Variants in ASPRV1 observed in about 807,000 individuals in gnomAD.
The protein encoded by ASPRV1 is aspartic peptidase retroviral like 1.
Under a neutral mutation model 11.0 loss-of-function variants are expected in ASPRV1, and 7 were observed. That is an observed-to-expected ratio of 0.64 (90% confidence interval 0.36 to 1.20). The LOEUF is 1.20. Ranked by LOEUF, ASPRV1 falls within the 50% of genes most tolerant of loss-of-function variation. The pLI is 0.02. For missense variants in ASPRV1, 299 were observed against 320.0 expected (o/e 0.93, Z 0.50); for synonymous variants, 136 against 138.4 (o/e 0.98, Z 0.12).
the ASPRV1 span, among the ~76,000 whole-genome samples, chr2:69,994,587 C>T: frequency 8.5e-5 from 13 of 152,184 alleles, no homozygotes; most frequent in African/African-American, 3.1e-4. Flanking sequence ...GCTGTCACAG[C>T]TGGGGCAAAG....
At chr2:70,082,313 A>C in the ASPRV1 span, among the ~76,000 whole-genome samples, 1 of 152,122 alleles carries the variant, frequency 6.6e-6, no homozygotes, top group Non-Finnish European at 1.5e-5. Flanking sequence ...TCACACCAGA[A>C]ATCCCAGGAC....
At chr2:69,949,902 G>C in the ASPRV1 span, among the ~76,000 whole-genome samples, 1 of 152,110 alleles carries the variant, frequency 6.6e-6, no homozygotes, top group Non-Finnish European at 1.5e-5. Context: ...TGCAACCTCC[G>C]CCTCCCGGGT....
At chr2:69,937,945 C>T in the ASPRV1 span, 3 of 676,108 alleles carry the variant, frequency 4.4e-6, no homozygotes, top group Non-Finnish European at 2.5e-6. Context: ...CAGGGTTTCA[C>T]TGTGTTGGCC....
At chr2:69,989,641 T>G in the ASPRV1 span, among the ~76,000 whole-genome samples, 1 of 152,260 alleles carries the variant, frequency 6.6e-6, no homozygotes, top group African/African-American at 2.4e-5. Context: ...AACAGCCTGA[T>G]GAGCACGGGA....
At chr2:70,072,016 A>G in the ASPRV1 span, among the ~76,000 whole-genome samples, 1 of 151,634 alleles carries the variant, frequency 6.6e-6, no homozygotes, top group East Asian at 2.0e-4. Flanking sequence ...CAGTGGCACG[A>G]TCTCAGCTCA....
At chr2:69,969,217 TGGAG>T in the ASPRV1 span, among the ~76,000 whole-genome samples, 1 of 152,172 alleles carries the variant, frequency 6.6e-6, no homozygotes, top group African/African-American at 2.4e-5. Context: ...TGAATCTGCC[TGGAG>T]GAAGGGGTGC....
At chr2:69,990,430 C>CA in the ASPRV1 span, among the ~76,000 whole-genome samples, 2 of 151,668 alleles carry the variant, frequency 1.3e-5, no homozygotes, top group Non-Finnish European at 2.9e-5. Flanking sequence ...ATGATCCTCC[C>CA]ACCTCAGCCT....
At chr2:69,933,522 G>A in the ASPRV1 span, among the ~76,000 whole-genome samples, 1 of 152,076 alleles carries the variant, frequency 6.6e-6, no homozygotes, top group South Asian at 2.1e-4. Context: ...TAAAGCCCTT[G>A]TGCTATTACC....
the ASPRV1 span, among the ~76,000 whole-genome samples, chr2:69,934,085 T>C: frequency 6.6e-6 from 1 of 152,232 alleles, no homozygotes; most frequent in Non-Finnish European, 1.5e-5. Flanking sequence ...ATGTGTGTGT[T>C]TGAGGCACGG....
At chr2:69,960,041 C>T (rs3821276), downstream of ASPRV1, 40,259 of 152,498 alleles carry the variant, frequency 0.26, 8,617 homozygotes, top group African/African-American at 0.56. Context: ...GTCTTTGATG[C>T]TGACTCCCTC....
chr2:69,974,331 C>T, the ASPRV1 span, among the ~76,000 whole-genome samples: 17 of 135,026 alleles, frequency 1.3e-4, no homozygotes, highest in South Asian at 3.7e-3. Flanking sequence ...GAGTGAAACT[C>T]CATCTCAAAA....
chr2:70,039,281 G>A, the ASPRV1 span, among the ~76,000 whole-genome samples: 1 of 152,058 alleles, frequency 6.6e-6, no homozygotes, highest in African/African-American at 2.4e-5. Context: ...GGCTTTAGCT[G>A]GGAGTTCTAC....
the ASPRV1 span, chr2:70,031,898 A>G: frequency 1.3e-5 from 2 of 152,264 alleles, no homozygotes; most frequent in African/African-American, 4.8e-5. Flanking sequence ...CCTCAGCAGC[A>G]TAAGGCTTAC....
chr2:70,076,542 C>T, the ASPRV1 span, among the ~76,000 whole-genome samples: 1 of 152,196 alleles, frequency 6.6e-6, no homozygotes, highest in Non-Finnish European at 1.5e-5. Context: ...TCATTATCCT[C>T]ATTGTACAAA....
At chr2:69,974,766 G>A in the ASPRV1 span, among the ~76,000 whole-genome samples, 1 of 152,254 alleles carries the variant, frequency 6.6e-6, no homozygotes, top group African/African-American at 2.4e-5. Flanking sequence ...AGAAGGCTGG[G>A]ATCAGAGGAT....
At chr2:70,022,766 G>A in the ASPRV1 span, among the ~76,000 whole-genome samples, 1 of 151,946 alleles carries the variant, frequency 6.6e-6, no homozygotes, top group African/African-American at 2.4e-5. Flanking sequence ...GGTCTCATGG[G>A]TGTATGCACA....
At chr2:70,000,724 G>C in the ASPRV1 span, among the ~76,000 whole-genome samples, 1 of 141,906 alleles carries the variant, frequency 7.0e-6, no homozygotes, top group East Asian at 2.2e-4. Flanking sequence ...AGGAGGTTGA[G>C]GCTGCAGTGA....
chr2:70,081,818 C>G, the ASPRV1 span, among the ~76,000 whole-genome samples: 947 of 152,114 alleles, frequency 6.2e-3, 9 homozygotes, highest in African/African-American at 0.022. Flanking sequence ...CACCTGGACT[C>G]AAGTGATCCT....
the ASPRV1 span, among the ~76,000 whole-genome samples, chr2:69,996,321 G>T: frequency 6.6e-6 from 1 of 151,676 alleles, no homozygotes; most frequent in Admixed American, 6.6e-5. Flanking sequence ...GAGCCCAGGA[G>T]GTCAAAGCTG....
Sources: allele counts gnomAD v4.1 joint callset (sites outside exome capture counted in the v4.1 genomes callset), GRCh38; gene constraint gnomAD v4.1.1; transcripts MANE v1.5; gene names NCBI Gene and HGNC (gene_info 2026-07-23, HGNC 2026-07-21).